The following CDH22 variants were observed in gnomAD, a reference collection of about 807,000 sequenced individuals.
CDH22 encodes the protein cadherin 22.
A neutral mutation model predicts 58.4 loss-of-function variants in CDH22; 30 were observed. The observed-to-expected ratio is 0.51, with a 90% CI of 0.38 to 0.70. The LOEUF (loss-of-function observed/expected upper bound fraction) is 0.70. Ranked by LOEUF, CDH22 falls within the 30% of genes least tolerant of loss-of-function variation. CDH22 has a pLI of 0.00. For missense variants in CDH22, 1,014 were observed against 1,233.9 expected (o/e 0.82, Z 2.67); for synonymous variants, 513 against 558.2 (o/e 0.92, Z 1.14).
At chr20:46,215,405 T>C (rs2086076840) in intron 5 of CDH22, among the ~76,000 whole-genome samples, 1 of 152,246 alleles carries the variant, frequency 6.6e-6, no homozygotes. Flanking sequence ...TATTGTATGA[T>C]TCATCCCATT....
intron 10 of CDH22, among the ~76,000 whole-genome samples, chr20:46,183,434 T>C (rs1226730520): frequency 6.6e-6 from 1 of 152,160 alleles, no homozygotes; most frequent in Non-Finnish European, 1.5e-5. Flanking sequence ...TTATTTTTAA[T>C]TATTGATTGA....
At chr20:46,256,022 G>T (rs2086405071) in intron 1 of CDH22, among the ~76,000 whole-genome samples, 2 of 152,160 alleles carry the variant, frequency 1.3e-5, no homozygotes, top group African/African-American at 4.8e-5. Flanking sequence ...CCTATAATCT[G>T]TCCGTCTGCC....
intron 4 of CDH22, among the ~76,000 whole-genome samples, chr20:46,219,155 C>T (rs914367745): frequency 6.6e-6 from 1 of 152,112 alleles, no homozygotes; most frequent in Non-Finnish European, 1.5e-5. Flanking sequence ...TTCGTGGGAT[C>T]ACATGCAGAT....
At chr20:46,272,861 T>C (rs1010670352) in intron 1 of CDH22, among the ~76,000 whole-genome samples, 4 of 152,242 alleles carry the variant, frequency 2.6e-5, no homozygotes, top group African/African-American at 9.6e-5. Flanking sequence ...TTTGACTGCA[T>C]GTTGGCCATT....
chr20:46,210,396 G>A lies in CDH22; in HGVS notation c.1197C>T (p.Gly399=), dbSNP rs757136459. The change falls in exon 7 of 12, where the codon GGC becomes GGT. Residue 399 remains glycine (G), a synonymous_variant. Transcript: ENST00000537909. The surrounding 1 kb of genome is among the most constrained non-coding windows in gnomAD (Gnocchi z 4.5). ...DEPPEFRPPS[G]LLEVQEDAQV... is the part of the protein sequence containing the mutation. ...GCGCGTCCTCCTGCACCTCCAGGAG[G>A]CCGGAGGGCGGCCGGAACTCGGGGG... The A allele has an allele frequency of 3.4e-6, 5 of 1,465,508 alleles. No individual in the cohort carries two copies. The highest frequency in any genetic ancestry group is 2.9e-5 in the African/African-American group (2 of 67,862). The allele number at this position is 1,465,508 out of a possible 1,614,324, so 90.8% of individuals were successfully genotyped here. A position where few individuals can be genotyped will look rare whatever the true frequency, so the allele number is the denominator to read the frequency against.
chr20:46,240,010 G>A (rs2086278813), intron 3 of CDH22, among the ~76,000 whole-genome samples: 1 of 152,164 alleles, frequency 6.6e-6, no homozygotes, highest in South Asian at 2.1e-4. Flanking sequence ...ATAATCATGT[G>A]TGCAGTGCTC....
At chr20:46,265,145 C>T (rs897582187) in intron 1 of CDH22, among the ~76,000 whole-genome samples, 81 of 152,230 alleles carry the variant, frequency 5.3e-4, no homozygotes, top group African/African-American at 1.7e-3. Context: ...GAACTCACTG[C>T]AGCCCAGTGA....
intron 4 of CDH22, 146 bp downstream of exon 4, chr20:46,227,362 C>T: frequency 2.7e-6 from 2 of 750,716 alleles, no homozygotes; most frequent in Non-Finnish European, 4.3e-6. Context: ...ACCCTGGACT[C>T]TCCTGCTGTG....
At chr20:46,189,352 G>A (rs2085848137) in intron 8 of CDH22, among the ~76,000 whole-genome samples, 1 of 152,226 alleles carries the variant, frequency 6.6e-6, no homozygotes, top group Non-Finnish European at 1.5e-5. Context: ...GACGGTCGGT[G>A]CTTTTGGGAA....
intron 1 of CDH22, among the ~76,000 whole-genome samples, chr20:46,282,541 C>T (rs540951070): frequency 7.9e-5 from 12 of 152,258 alleles, no homozygotes; most frequent in East Asian, 3.9e-4. Context: ...AATAAATATT[C>T]GTAAAAGAGT....
At chr20:46,234,079 C>G (rs2086238052) in intron 3 of CDH22, among the ~76,000 whole-genome samples, 1 of 152,182 alleles carries the variant, frequency 6.6e-6, no homozygotes, top group Non-Finnish European at 1.5e-5. Flanking sequence ...CTCTGTTCCC[C>G]CAAGCACCGA....
At chr20:46,277,808 T>C (rs562439776) in intron 1 of CDH22, among the ~76,000 whole-genome samples, 5 of 151,366 alleles carry the variant, frequency 3.3e-5, no homozygotes, top group African/African-American at 1.2e-4. Flanking sequence ...GGGCACCAGA[T>C]TGGAGTGGGC....
At chr20:46,237,639 C>T (rs540882685) in intron 3 of CDH22, among the ~76,000 whole-genome samples, 3 of 152,104 alleles carry the variant, frequency 2.0e-5, no homozygotes, top group South Asian at 2.1e-4. Flanking sequence ...CAAATTGAGT[C>T]CCCCCCACTC....
At chr20:46,181,752 C>CTTCGTTCGTTCCTTCTTTCTTTCT in intron 10 of CDH22, among the ~76,000 whole-genome samples, 20 of 26,258 alleles carry the variant, frequency 7.6e-4, no homozygotes, top group Admixed American at 1.8e-3. Context: ...TCCTTCCTTC[C>CTTCGTTCGTTCCTTCTTTCTTTCT]TTCTTTCTTT....
chr20:46,281,701 CT>C (rs1313207241), intron 1 of CDH22, among the ~76,000 whole-genome samples: 12 of 152,166 alleles, frequency 7.9e-5, no homozygotes, highest in Non-Finnish European at 1.3e-4. Context: ...GTCAGTTTTT[CT>C]TTTTTCTTGT....
At chr20:46,223,725 TTC>T (rs1401144886) in intron 4 of CDH22, among the ~76,000 whole-genome samples, 113 of 48,296 alleles carry the variant, frequency 2.3e-3, no homozygotes, top group Non-Finnish European at 3.3e-3. Flanking sequence ...TTTTCTTTCT[TTC>T]TCTTTCTTTC....
intron 3 of CDH22, among the ~76,000 whole-genome samples, chr20:46,231,716 G>A (rs1190461743): frequency 2.0e-5 from 3 of 152,206 alleles, no homozygotes; most frequent in Non-Finnish European, 4.4e-5. Flanking sequence ...GCTGAAGTCA[G>A]CATGAGAAGT....
chr20:46,241,115 TAGA>T lies in CDH22; in HGVS notation c.395_397del (p.Phe132del). On this transcript the variant is annotated inframe_deletion, in exon 3 of 12. Transcript: ENST00000537909. This position sits in a 1 kb window ranked among gnomAD's most constrained non-coding sequence, Gnocchi z 5.2. ...ATCCCGAGCCTGGGCCCGCAGCGTG[TAGA>T]AGGTTTTCTGCTCGCGGTCCAGGCG... 1.2e-6 allele frequency: 2 copies of T among 1,614,156 alleles called. No homozygotes were observed. Among genetic ancestry groups the T allele is most frequent in the Non-Finnish European group, 1.7e-6 (2 of 1,180,016 alleles).
chr20:46,181,748 C>CTTTCT lies in CDH22; in HGVS notation c.1664-3552_1664-3551insAGAAA, dbSNP rs1555800212. The stretch of plus-strand genomic sequence containing the variant: ...CCTTCCTTCCTTCCTTCCTTCCTTC[C>CTTTCT]TTCCTTCTTTCTTTCTTTCTTTCTT... On this transcript the variant is annotated intron_variant, in intron 10 of 11. Transcript: ENST00000537909. Among the ~76,000 whole-genome samples the CTTTCT allele has an allele frequency of 9.9e-3, 259 of 26,254 alleles. 2 individuals carry two copies. Among genetic ancestry groups the CTTTCT allele is most frequent in the East Asian group, 0.029 (24 of 822 alleles). The allele number at this position is 26,254 out of a possible 152,430, so 17.2% of individuals were successfully genotyped here. A position where few individuals can be genotyped will look rare whatever the true frequency, so the allele number is the denominator to read the frequency against.
Sources: gnomAD v4.1 joint callset for allele counts (sites outside exome capture counted in the v4.1 genomes callset) on GRCh38, gnomAD v4.1.1 for gene constraint, Gnocchi (gnomAD v3.1) non-coding constraint, MANE v1.5 for transcripts, NCBI Gene and HGNC (gene_info 2026-07-23, HGNC 2026-07-21) for gene names.